Variants in KALRN observed in about 807,000 individuals in gnomAD.
The protein encoded by KALRN is kalirin RhoGEF kinase.
A neutral mutation model predicts 353.7 loss-of-function variants in KALRN; 70 were observed. That is an observed-to-expected ratio of 0.20 (90% CI 0.16 to 0.24). The LOEUF is 0.24. KALRN is among the 10% of genes least tolerant of loss of function. The pLI, the probability that KALRN is intolerant of heterozygous loss-of-function variation, is 1.00. For synonymous variants in KALRN, 1,391 were observed against 1,434.8 expected (o/e 0.97, Z 0.69); for missense variants, 2,791 against 3,756.7 (o/e 0.74, Z 6.72).
intron 34 of KALRN, among the ~76,000 whole-genome samples, chr3:124,631,858 A>AT (rs2080821542): frequency 6.6e-6 from 1 of 151,926 alleles, no homozygotes; most frequent in Admixed American, 6.5e-5. Context: ...TTTCTTACTG[A>AT]TCCCCCCGGC....
intron 7 of KALRN, among the ~76,000 whole-genome samples, chr3:124,328,632 G>C (rs567877817): frequency 6.6e-6 from 1 of 152,306 alleles, no homozygotes; most frequent in South Asian, 2.1e-4. Flanking sequence ...GCTTAGAAAT[G>C]GTCTAGTGTG....
chr3:124,352,792 C>T (rs1403025114), intron 10 of KALRN, among the ~76,000 whole-genome samples: 2 of 151,902 alleles, frequency 1.3e-5, no homozygotes, highest in African/African-American at 2.4e-5. Context: ...CATGTTCTCA[C>T]TCATAAGTGG....
chr3:124,097,038 T>G (rs1459980636), intron 1 of KALRN, among the ~76,000 whole-genome samples: 5 of 152,210 alleles, frequency 3.3e-5, no homozygotes, highest in African/African-American at 9.6e-5. Flanking sequence ...CTGTGTAGGG[T>G]GTCTGATTTC....
Position 124,404,489 on chromosome 3 carries a change from A to C in KALRN, c.2346+5618A>C, listed in dbSNP as rs544104461. 5.0e-4 allele frequency among the ~76,000 whole-genome samples: 76 copies of C among 152,016 alleles called. 2 individuals carry two copies. The highest frequency in any genetic ancestry group is 9.8e-4 in the Admixed American group (15 of 15,272). ...CAGAGTACTGGCTCTGGTGCAGCCC[A>C]GGAGATAGGTACCTTTTTAATGACT... is the stretch of plus-strand genomic sequence containing the variant. On this transcript the variant is annotated intron_variant, in intron 13 of 59. Coordinates refer to ENST00000682506, the MANE Select transcript of KALRN (RefSeq NM_001388419.1).
At chr3:124,381,855 C>T (rs1192624700) in intron 10 of KALRN, among the ~76,000 whole-genome samples, 3 of 152,118 alleles carry the variant, frequency 2.0e-5, no homozygotes. Flanking sequence ...CATGGAGATA[C>T]ATTGTTACTA....
chr3:124,708,758 A>G (rs2062755730), intron 57 of KALRN, among the ~76,000 whole-genome samples: 1 of 152,168 alleles, frequency 6.6e-6, no homozygotes, highest in African/African-American at 2.4e-5. Flanking sequence ...GGTAAAAGAC[A>G]CAAATTTTTA....
At chr3:124,273,388 T>G (rs554597941) in intron 5 of KALRN, among the ~76,000 whole-genome samples, 59 of 152,376 alleles carry the variant, frequency 3.9e-4, no homozygotes, top group African/African-American at 1.4e-3. Flanking sequence ...AAGTTCTGTC[T>G]GGAGCAGCTC....
At chr3:124,072,176 G>A (rs973868420) in intron 1 of KALRN, among the ~76,000 whole-genome samples, 1 of 152,200 alleles carries the variant, frequency 6.6e-6, no homozygotes, top group Admixed American at 6.5e-5. Flanking sequence ...TTTTTAAGTA[G>A]TGGATATCAA....
At chr3:124,053,346 A>T (rs2041219999) in intron 1 of KALRN, among the ~76,000 whole-genome samples, 1 of 152,244 alleles carries the variant, frequency 6.6e-6, no homozygotes, top group Non-Finnish European at 1.5e-5. Flanking sequence ...AACTACTGAA[A>T]TATAGTTGAT....
intron 1 of KALRN, chr3:124,080,132 A>C (rs1222441246): frequency 4.3e-6 from 2 of 468,634 alleles, no homozygotes; most frequent in Admixed American, 4.7e-5. Flanking sequence ...CTGAACACGA[A>C]ACTTCTAACA....
At chr3:124,369,364 T>C (rs1191976313) in intron 10 of KALRN, among the ~76,000 whole-genome samples, 1 of 152,224 alleles carries the variant, frequency 6.6e-6, no homozygotes, top group African/African-American at 2.4e-5. Context: ...TGCAAAGATG[T>C]GTAAAGAGCT....
intron 2 of KALRN, among the ~76,000 whole-genome samples, chr3:124,233,475 G>T (rs972798175): frequency 6.6e-6 from 1 of 152,156 alleles, no homozygotes; most frequent in Non-Finnish European, 1.5e-5. Flanking sequence ...TGCCCTGAGT[G>T]GGGGCGCTGG....
intron 28 of KALRN, among the ~76,000 whole-genome samples, chr3:124,487,916 G>C (rs141932008): frequency 1.5e-3 from 230 of 152,324 alleles, no homozygotes; most frequent in African/African-American, 5.3e-3. Context: ...TAAGAGGGCA[G>C]TCCAGTGACA....
chr3:124,338,566 A>G (rs2081363641), intron 9 of KALRN, among the ~76,000 whole-genome samples: 1 of 152,194 alleles, frequency 6.6e-6, no homozygotes, highest in Non-Finnish European at 1.5e-5. Flanking sequence ...TTATGTGGTC[A>G]ATTTTAGAAT....
chr3:124,510,545 G>A (rs1199726291), intron 33 of KALRN, among the ~76,000 whole-genome samples: 7 of 151,978 alleles, frequency 4.6e-5, no homozygotes, highest in Admixed American at 4.6e-4. Context: ...TCAGCATGAT[G>A]ATTATAGAAT....
intron 1 of KALRN, chr3:124,095,730 C>T (rs2061404961): frequency 6.6e-6 from 1 of 152,152 alleles, no homozygotes; most frequent in Admixed American, 6.5e-5. Context: ...TAAGGAAAAG[C>T]CACTGTGAAC....
chr3:124,383,955 T>G (rs189463974), intron 10 of KALRN, among the ~76,000 whole-genome samples: 120 of 152,268 alleles, frequency 7.9e-4, no homozygotes, highest in African/African-American at 2.8e-3. Flanking sequence ...CTAGGGATAC[T>G]TAGAAATATA....
chr3:124,311,783 GTATCTTCA>G (rs1333454680), intron 6 of KALRN, among the ~76,000 whole-genome samples: 1 of 152,222 alleles, frequency 6.6e-6, no homozygotes, highest in Non-Finnish European at 1.5e-5. Context: ...ACAAAATGTA[GTATCTTCA>G]TATAATGGAC....
intron 15 of KALRN, among the ~76,000 whole-genome samples, chr3:124,423,632 T>G (rs2092884282): frequency 6.6e-6 from 1 of 152,168 alleles, no homozygotes. Flanking sequence ...TCCCAACACT[T>G]TGGGAGGCCA....
Sources: allele counts gnomAD v4.1 joint callset (sites outside exome capture counted in the v4.1 genomes callset), GRCh38; gene constraint gnomAD v4.1.1; transcripts MANE v1.5; gene names NCBI Gene and HGNC (gene_info 2026-07-23, HGNC 2026-07-21).